RP1: variants seen among roughly 807,000 people sequenced by gnomAD.
The protein encoded by RP1 is oxygen-regulated protein 1.
RP1 carries 16 observed loss-of-function variants against 14.8 expected under a neutral mutation model. The observed-to-expected ratio is 1.08, with a 90% CI of 0.73 to 1.65. The LOEUF (loss-of-function observed/expected upper bound fraction) is 1.65. Ranked by LOEUF, RP1 falls within the 40% of genes most tolerant of loss-of-function variation. RP1 has a pLI of 0.00. For missense variants in RP1, 2,631 were observed against 2,535.0 expected, an observed-to-expected ratio of 1.04 and a Z score of -0.81; for synonymous variants, 876 against 883.6, an observed-to-expected ratio of 0.99 and a Z score of 0.15.
chr8:54,807,915 C>T (rs561549004), intron 24 of RP1, among the ~76,000 whole-genome samples: 73 of 151,876 alleles, frequency 4.8e-4, no homozygotes, highest in Admixed American at 3.2e-3. Flanking sequence ...TGATGAGACC[C>T]GTCCACATTA....
rs189875206 is a variant in RP1 at position 54,775,254 on chromosome 8, C to T, written c.3451+5087C>T. 5.9e-5 allele frequency among the ~76,000 whole-genome samples: 9 copies of T among 152,244 alleles called. No homozygotes were observed. In the East Asian group the frequency reaches 1.4e-3, roughly 23 times the overall value. On this transcript the variant is annotated intron_variant, in intron 23 of 28. Transcript: ENST00000637698. Reference sequence around the variant, plus strand: ...TGTTTGCTAAAAATGTCTGTGACTGCAGCATTTCCTGTGCTCTTCTGAACT... The same window carrying T: ...TGTTTGCTAAAAATGTCTGTGACTGTAGCATTTCCTGTGCTCTTCTGAACT...
At chr8:54,662,541 G>A (rs1806924554) in intron 6 of RP1, among the ~76,000 whole-genome samples, 1 of 152,146 alleles carries the variant, frequency 6.6e-6, no homozygotes, top group South Asian at 2.1e-4. Flanking sequence ...TAGGCACAAG[G>A]ATGTAAGAAA....
intron 24 of RP1, among the ~76,000 whole-genome samples, chr8:54,792,086 C>T (rs370183873): frequency 5.3e-5 from 8 of 151,678 alleles, no homozygotes; most frequent in East Asian, 1.9e-4. Flanking sequence ...GACCTTAAGC[C>T]GAAAACTGTC....
chr8:54,582,587 C>T (rs1432604488), intron 1 of RP1, among the ~76,000 whole-genome samples: 1 of 151,980 alleles, frequency 6.6e-6, no homozygotes, highest in African/African-American at 2.4e-5. Context: ...TATAAATTAC[C>T]TTGAGCAGTG....
At chr8:54,732,870 T>TCC in intron 17 of RP1, among the ~76,000 whole-genome samples, 1 of 152,202 alleles carries the variant, frequency 6.6e-6, no homozygotes, top group Admixed American at 6.6e-5. Flanking sequence ...GGCATGGGAT[T>TCC]CACACTTGCT....
At chr8:54,750,822 G>T (rs1809347008) in intron 19 of RP1, among the ~76,000 whole-genome samples, 2 of 152,194 alleles carry the variant, frequency 1.3e-5, no homozygotes, top group Non-Finnish European at 2.9e-5. Context: ...TCAGTGGTCT[G>T]TAAAACGCAC....
intron 27 of RP1, among the ~76,000 whole-genome samples, chr8:54,862,506 A>C (rs1479005947): frequency 6.6e-6 from 1 of 152,146 alleles, no homozygotes; most frequent in Admixed American, 6.5e-5. Flanking sequence ...ATTTAGGGTA[A>C]AGGTAAAGGT....
At chr8:54,845,440 C>A (rs1360515894) in intron 25 of RP1, among the ~76,000 whole-genome samples, 1 of 152,026 alleles carries the variant, frequency 6.6e-6, no homozygotes, top group Non-Finnish European at 1.5e-5. Context: ...AAACATGAGC[C>A]CTGCCCCTAG....
At chr8:54,815,847 T>C (rs561887589) in intron 24 of RP1, among the ~76,000 whole-genome samples, 3 of 152,234 alleles carry the variant, frequency 2.0e-5, no homozygotes, top group Non-Finnish European at 2.9e-5. Flanking sequence ...TCAGCTGTAG[T>C]AATTATTATA....
downstream of RP1, chr8:54,770,165 A>T (rs1809866930): frequency 5.0e-6 from 2 of 401,514 alleles, no homozygotes; most frequent in African/African-American, 4.1e-5. Flanking sequence ...GAGGAAGCAA[A>T]TGGTAAATGT....
chr8:54,653,196 T>C (rs896535566), intron 5 of RP1, among the ~76,000 whole-genome samples: 13 of 152,198 alleles, frequency 8.5e-5, no homozygotes, highest in African/African-American at 3.1e-4. Context: ...GTTGTAAAGA[T>C]AGACCACTGT....
At chr8:54,581,059 T>G (rs10283064) in intron 1 of RP1, among the ~76,000 whole-genome samples, 117,506 of 151,946 alleles carry the variant, frequency 0.77, 45,941 homozygotes, top group Non-Finnish European at 0.83. Flanking sequence ...CAACGTGCAG[T>G]TTTGTTACAT....
chr8:54,853,075 C>G (rs576685838), intron 26 of RP1, among the ~76,000 whole-genome samples: 1 of 152,248 alleles, frequency 6.6e-6, no homozygotes, highest in East Asian at 1.9e-4. Context: ...GGCCCAAGAT[C>G]CTGGAGAGAA....
chr8:54,703,311 T>A lies in RP1; in HGVS notation c.1998+1649T>A, dbSNP rs147434483. 5.5e-3 allele frequency among the ~76,000 whole-genome samples: 841 copies of A among 152,300 alleles called. 9 individuals carry two copies. Among genetic ancestry groups the A allele is most frequent in the African/African-American group, 0.018 (759 of 41,586 alleles). ...TCCATAGGCTACAGAATGGATATTG[T>A]GTTAGCAGGCATGAAAATAACATTA... On this transcript the variant is annotated intron_variant, in intron 14 of 22. Transcript: ENST00000636932.
At chr8:54,823,727 A>G (rs912933173) in intron 24 of RP1, among the ~76,000 whole-genome samples, 1 of 152,152 alleles carries the variant, frequency 6.6e-6, no homozygotes, top group Non-Finnish European at 1.5e-5. Flanking sequence ...GCTCATTTCC[A>G]GTTTGGGGCT....
chr8:54,820,874 GA>G (rs913111199), intron 24 of RP1, among the ~76,000 whole-genome samples: 2 of 152,092 alleles, frequency 1.3e-5, no homozygotes, highest in Admixed American at 1.3e-4. Context: ...TCAGGAAATT[GA>G]CATCCTCAGA....
rs146457697 is a variant in RP1 at position 54,565,772 on chromosome 8, C to G, written c.-13+6452C>G. Among the ~76,000 whole-genome samples, 1,494 of 152,220 alleles carry G rather than the reference C, an allele frequency of 9.8e-3. 19 individuals are homozygous for G. The highest frequency in any genetic ancestry group is 0.034 in the African/African-American group (1,416 of 41,508). The stretch of plus-strand genomic sequence containing the variant: ...CATCAGACTTACTTCCTACATTAGA[C>G]TTTTAGGGATGCTGGAACAAAGCAC... On this transcript the variant is annotated intron_variant, in intron 1 of 22. Coordinates refer to the RP1 transcript ENST00000636932.
chr8:54,623,001 TG>T (rs1447553276), intron 3 of RP1, among the ~76,000 whole-genome samples: 2 of 152,228 alleles, frequency 1.3e-5, no homozygotes, highest in African/African-American at 4.8e-5. Flanking sequence ...GAGTACTGAT[TG>T]TTTTTTATAC....
intron 22 of RP1, chr8:54,759,141 TGTGTG>T: frequency 8.3e-7 from 1 of 1,202,652 alleles, no homozygotes; most frequent in Non-Finnish European, 1.1e-6. Flanking sequence ...TGTGTGTGTG[TGTGTG>T]TGTGTGTGTG....
Sources: allele counts gnomAD v4.1 joint callset (sites outside exome capture counted in the v4.1 genomes callset), GRCh38; gene constraint gnomAD v4.1.1; transcripts MANE v1.5; gene names NCBI Gene and HGNC (gene_info 2026-07-23, HGNC 2026-07-21).